PIGR: variants seen among roughly 807,000 people sequenced by gnomAD.
The protein encoded by PIGR is hepatocellular carcinoma associated protein TB6.
PIGR carries 22 observed loss-of-function variants against 69.5 expected under a neutral mutation model. The observed-to-expected ratio is 0.32, with a 90% CI of 0.23 to 0.45. The LOEUF is 0.45. Ranked by LOEUF, PIGR falls within the 20% of genes least tolerant of loss-of-function variation. PIGR has a pLI of 1.00. For missense variants in PIGR, 885 were observed against 974.0 expected, an observed-to-expected ratio of 0.91 and a Z score of 1.22; for synonymous variants, 413 against 407.6, an observed-to-expected ratio of 1.01 and a Z score of -0.16.
chr1:206,931,636 C>T (rs753790376), intron 9 of PIGR, 35 bp downstream of exon 9: 9 of 1,614,036 alleles, frequency 5.6e-6, no homozygotes, highest in Non-Finnish European at 6.8e-6. Context: ...TTACTCTCCC[C>T]AGGGGCTGAG....
intron 6 of PIGR, among the ~76,000 whole-genome samples, chr1:206,933,472 G>A (rs952413498): frequency 3.3e-5 from 5 of 152,116 alleles, no homozygotes; most frequent in African/African-American, 9.7e-5. Flanking sequence ...GCTCTGAGAC[G>A]CTGCCCCAGG....
rs1679793918 is a variant in PIGR, at chr1:206,933,139, G to A, written c.1733C>T (p.Ala578Val). Residue 578 changes from alanine (A) to valine (V), a missense_variant, in exon 7 of 11, where the codon GCA becomes GTA. Transcript: ENST00000356495. ...AGSRDVSLAK[A>V]DAAPDEKVLD... The stretch of plus-strand genomic sequence containing the variant: ...CACCTTCTCATCAGGAGCAGCGTCT[G>A]CCTTCGCTAGGCTGACATCGCGGGA... 2 of 1,614,190 alleles carry A rather than the reference G, an allele frequency of 1.2e-6. No homozygotes were observed. The highest frequency in any genetic ancestry group is 1.3e-5 in the African/African-American group (1 of 75,048).
In PIGR at chr1:206,928,923, T is replaced by C. The variant is rs1679668443; in HGVS notation, c.*1395A>G. On this transcript the variant is annotated 3_prime_UTR_variant, in exon 11 of 11. Coordinates refer to ENST00000356495, the MANE Select transcript of PIGR (RefSeq NM_002644.4). ...AGATGCCAAATCTAATTTATCTCAC[T>C]GAGGGCCTTTGAGAAAAACGCTTCA... is the stretch of plus-strand genomic sequence containing the variant. The C allele has an allele frequency of 6.6e-6, 1 of 152,560 alleles. No homozygotes were observed. The highest frequency in any genetic ancestry group is 1.5e-5 in the Non-Finnish European group (1 of 68,076). 9.5% of individuals were successfully genotyped at this position (152,560 alleles called of 1,614,324 possible).
chr1:206,941,160 G>C lies in PIGR; in HGVS notation c.-53-576C>G, dbSNP rs1679977509. Among the ~76,000 whole-genome samples the C allele has an allele frequency of 2.6e-5, 4 of 152,184 alleles. No homozygotes were observed. The South Asian group carries it at 8.3e-4, about 32-fold the overall frequency. ...TAATTTATGTGTACTATCTCATACAGACTTGATATCAGCCCTGTGAGGTTA... is the reference window on the plus strand; with the variant it reads ...TAATTTATGTGTACTATCTCATACACACTTGATATCAGCCCTGTGAGGTTA... On this transcript the variant is annotated intron_variant, in intron 1 of 10. Coordinates refer to ENST00000356495, the MANE Select transcript of PIGR (RefSeq NM_002644.4).
Position 206,930,273 on chromosome 1 carries a change from C to A in PIGR, c.*45G>T. ...TGAGGGCCCCAGGATCGACATGATT[C>A]TGAAGGTGATTGTCATGGGTGCAGG... On this transcript the variant is annotated 3_prime_UTR_variant, in exon 11 of 11. Coordinates refer to ENST00000356495, the MANE Select transcript of PIGR (RefSeq NM_002644.4). The surrounding 1 kb of genome is among the most constrained non-coding windows in gnomAD (Gnocchi z 4.3). 1 of 1,543,768 alleles carries A rather than the reference C, an allele frequency of 6.5e-7. No individual in the cohort carries two copies. Among genetic ancestry groups the A allele is most frequent in the South Asian group, 1.2e-5 (1 of 84,020 alleles).
At position 206,937,293 on chromosome 1, in the gene PIGR, C is replaced by A. The variant is rs142859826; in HGVS notation, c.847G>T (p.Val283Phe). 1.9e-6 allele frequency: 3 copies of A among 1,613,238 alleles called. No individual in the cohort carries two copies. The highest frequency in any genetic ancestry group is 2.2e-5 in the East Asian group (1 of 44,872). ...QSSGENCDVV[V>F]NTLGKRAPAF... is the part of the protein sequence containing the mutation. ...GGGGCCCTCTTCCCCAGGGTGTTGA[C>A]GACCACGTCACAGTTTTCCCCACTG... is the stretch of plus-strand genomic sequence containing the variant. Residue 283 changes from valine (V) to phenylalanine (F), a missense_variant, in exon 4 of 11, where the codon GTC becomes TTC. Val to Phe is a conservative substitution (Grantham distance 50). Coordinates refer to ENST00000356495, the MANE Select transcript of PIGR (RefSeq NM_002644.4).
At chr1:206,941,311 C>G (rs2102603428) in intron 1 of PIGR, among the ~76,000 whole-genome samples, 1 of 152,288 alleles carries the variant, frequency 6.6e-6, no homozygotes, top group African/African-American at 2.4e-5. Flanking sequence ...TTGGGCCCAC[C>G]TTTGTCTGAC....
Position 206,935,873 on chromosome 1 carries a change from C to A in PIGR, c.1046-55G>T, listed in dbSNP as rs1164603010. ...GGATGGCCACGCAGGAAGAGCCTTG[C>A]GTGGCCTGAGAAGCCTTCTTCCCGG... On this transcript the variant is annotated intron_variant, in intron 4 of 10. Transcript: ENST00000356495. The surrounding 1 kb of genome is among the most constrained non-coding windows in gnomAD (Gnocchi z 4.4). 2 of 1,391,080 alleles carry A rather than the reference C, an allele frequency of 1.4e-6. No individual in the cohort carries two copies. Among genetic ancestry groups the A allele is most frequent in the Non-Finnish European group, 2.0e-6 (2 of 1,017,374 alleles). 86.2% of individuals were successfully genotyped at this position (1,391,080 alleles called of 1,614,324 possible).
intron 6 of PIGR, 102 bp downstream of exon 6, chr1:206,934,318 A>G: frequency 9.6e-7 from 1 of 1,044,378 alleles, no homozygotes; most frequent in Non-Finnish European, 1.4e-6. Flanking sequence ...TCTTACAGCC[A>G]AACATAGGGG....
chr1:206,933,691 A>G (rs1035522023), intron 6 of PIGR, among the ~76,000 whole-genome samples: 3 of 152,196 alleles, frequency 2.0e-5, no homozygotes, highest in African/African-American at 7.2e-5. Context: ...AATTTTCCTG[A>G]TCAGACCTTG....
In PIGR at chr1:206,937,445, T is replaced by A. The variant is rs746996829; in HGVS notation, c.695A>T (p.Asn232Ile). ...AGDDSNSNKK[N>I]ADLQVLKPEP... ...GGGCTTTAGCACTTGGAGGTCAGCA[T>A]TCTTCTTATTACTATTGGAATCATC... Residue 232 changes from asparagine to isoleucine, a missense_variant, in exon 4 of 11, where the codon AAT (asparagine) becomes ATT (isoleucine). Asn to Ile is a moderately radical substitution (Grantham distance 149, BLOSUM62 -3). Coordinates refer to ENST00000356495, the MANE Select transcript of PIGR (RefSeq NM_002644.4). The A allele has an allele frequency of 7.4e-6, 12 of 1,614,172 alleles. 1 individual carries two copies. The South Asian group carries it at 1.3e-4, about 18-fold the overall frequency.
chr1:206,931,750 C>T lies in PIGR; in HGVS notation c.2061G>A (p.Glu687=). 6.2e-7 allele frequency: 1 copy of T among 1,614,102 alleles called. No homozygotes were observed. The highest frequency in any genetic ancestry group is 1.3e-5 in the African/African-American group (1 of 75,012). ...YRTDISMSDF[E]NSREFGANDN... Reference sequence around the variant, plus strand: ...CATTGGCTCCAAATTCCCTGGAGTTCTCGAAGTCTGACATGCTAATGTCTG... The same window carrying T: ...CATTGGCTCCAAATTCCCTGGAGTTTTCGAAGTCTGACATGCTAATGTCTG... Residue 687 remains glutamate (E), a synonymous_variant, in exon 9 of 11, where the codon GAG becomes GAA. Transcript: ENST00000356495.
Position 206,931,800 on chromosome 1 carries a change from G to C in PIGR, c.2011C>G (p.Arg671Gly), listed in dbSNP as rs1165058861. The change falls in exon 9 of 11, where the codon CGA becomes GGA. Residue 671 changes from arginine (R) to glycine (G), a missense_variant and splice_region_variant. Transcript: ENST00000356495. Reference protein sequence around the residue: ...ARARHRKNVDRVSIRSYRTDI... With the variant: ...ARARHRKNVDGVSIRSYRTDI... ...GTCCTGTAGCTTCTGATTGAAACTC[G>C]GTCTGTCCGGGAGGAAGAGGAGTTG... 6.2e-7 allele frequency: 1 copy of C among 1,614,016 alleles called. No homozygotes were observed. Among genetic ancestry groups the C allele is most frequent in the African/African-American group, 1.3e-5 (1 of 74,980 alleles).
In PIGR at chr1:206,935,878, C is replaced by T. The variant is rs1679853894; in HGVS notation, c.1046-60G>A. 2 of 1,301,022 alleles carry T rather than the reference C, an allele frequency of 1.5e-6. No homozygotes were observed. Among genetic ancestry groups the T allele is most frequent in the African/African-American group, 1.5e-5 (1 of 68,448 alleles). 80.6% of individuals were successfully genotyped at this position (1,301,022 alleles called of 1,614,324 possible). A position where few individuals can be genotyped will look rare whatever the true frequency, so the allele number is the denominator to read the frequency against. ...GCCACGCAGGAAGAGCCTTGCGTGG[C>T]CTGAGAAGCCTTCTTCCCGGGGTCT... On this transcript the variant is annotated intron_variant, in intron 4 of 10. Coordinates refer to ENST00000356495, the MANE Select transcript of PIGR (RefSeq NM_002644.4). This position sits in a 1 kb window ranked among gnomAD's most constrained non-coding sequence, Gnocchi z 4.4.
chr1:206,930,386 A>G lies in PIGR; in HGVS notation c.2227T>C (p.Tyr743His). ...RSSKEEAEMA[Y>H]KDFLLQSSTV... Reference sequence around the variant, plus strand: ...CTGGACTGGAGCAGGAAGTCTTTGTAGGCCATCTCGGCTTCCTCCTTGGAT... The same window carrying G: ...CTGGACTGGAGCAGGAAGTCTTTGTGGGCCATCTCGGCTTCCTCCTTGGAT... The change falls in exon 11 of 11, where the codon TAC (tyrosine) becomes CAC (histidine). Residue 743 changes from tyrosine to histidine, a missense_variant. Physicochemically the swap from Tyr to His is moderately conservative, Grantham distance 83 (BLOSUM62 2). Coordinates refer to ENST00000356495, the MANE Select transcript of PIGR (RefSeq NM_002644.4). This position sits in a 1 kb window ranked among gnomAD's most constrained non-coding sequence, Gnocchi z 4.3. 1.2e-6 allele frequency: 2 copies of G among 1,613,120 alleles called. No individual in the cohort carries two copies. The highest frequency in any genetic ancestry group is 1.7e-6 in the Non-Finnish European group (2 of 1,179,524).
At chr1:206,944,995 G>A (rs960893744) in intron 1 of PIGR, among the ~76,000 whole-genome samples, 1 of 152,180 alleles carries the variant, frequency 6.6e-6, no homozygotes, top group African/African-American at 2.4e-5. Flanking sequence ...GGGCAAGTGG[G>A]TTTACTAAAT....
rs1026022891 is a variant in PIGR, at chr1:206,928,745, A to G, written c.*1573T>C. ...GTTGTGAGGGTTTGGCCATTCTTTT[A>G]TCTTGGGTCCATGTGAGTGACAGAA... On this transcript the variant is annotated 3_prime_UTR_variant, in exon 11 of 11. Coordinates refer to ENST00000356495, the MANE Select transcript of PIGR (RefSeq NM_002644.4). 4 of 152,618 alleles carry G rather than the reference A, an allele frequency of 2.6e-5. No individual in the cohort carries two copies. Among genetic ancestry groups the G allele is most frequent in the African/African-American group, 4.8e-5 (2 of 41,446 alleles). 9.5% of individuals were successfully genotyped at this position (152,618 alleles called of 1,614,324 possible). A position where few individuals can be genotyped will look rare whatever the true frequency, so the allele number is the denominator to read the frequency against.
Position 206,937,258 on chromosome 1 carries a change from C to T in PIGR, c.882G>A (p.Glu294=), listed in dbSNP as rs768280680. ...CCTGGGGGTTGAGCAGGATCCTGCCCTCAAAGGCTGGGGCCCTCTTCCCCA... is the reference window on the plus strand; with the variant it reads ...CCTGGGGGTTGAGCAGGATCCTGCCTTCAAAGGCTGGGGCCCTCTTCCCCA... ...NTLGKRAPAF[E]GRILLNPQDK... is the part of the protein sequence containing the mutation. Residue 294 remains glutamate, a synonymous_variant, in exon 4 of 11, where the codon GAG becomes GAA. Coordinates refer to ENST00000356495, the MANE Select transcript of PIGR (RefSeq NM_002644.4). The T allele has an allele frequency of 6.2e-7, 1 of 1,614,020 alleles. No homozygotes were observed. Among genetic ancestry groups the T allele is most frequent in the Admixed American group, 1.7e-5 (1 of 59,996 alleles).
At chr1:206,936,826 A>G (rs886899447) in intron 4 of PIGR, among the ~76,000 whole-genome samples, 21 of 152,130 alleles carry the variant, frequency 1.4e-4, no homozygotes, top group Admixed American at 2.6e-4. Flanking sequence ...CTCAATCAAG[A>G]GCTTTACTCA....
Sources: gnomAD v4.1 joint callset for allele counts (sites outside exome capture counted in the v4.1 genomes callset) on GRCh38, gnomAD v4.1.1 for gene constraint, Gnocchi (gnomAD v3.1) non-coding constraint, MANE v1.5 for transcripts, NCBI Gene and HGNC (gene_info 2026-07-23, HGNC 2026-07-21) for gene names.